The following CCDC83 variants were observed in gnomAD, a reference collection of about 807,000 sequenced individuals.
CCDC83 encodes the protein coiled-coil domain containing 83, also known as coiled-coil domain-containing protein 83.
A neutral mutation model predicts 50.1 loss-of-function variants in CCDC83; 54 were observed. The ratio of observed to expected loss-of-function variants is 1.08; its 90% CI spans 0.87 to 1.35. The LOEUF is 1.35. CCDC83 is among the 40% of genes most tolerant of loss of function. CCDC83 has a pLI of 0.00. For synonymous variants in CCDC83, 161 were observed against 153.3 expected (o/e 1.05, Z -0.37); for missense variants, 518 against 473.9 (o/e 1.09, Z -0.86).
intron 5 of CCDC83, among the ~76,000 whole-genome samples, chr11:85,887,802 C>CTTTT (rs372106214): frequency 4.2e-5 from 5 of 119,982 alleles, no homozygotes; most frequent in South Asian, 2.7e-4. Flanking sequence ...TTTATTGTAC[C>CTTTT]TTTTTTTTTT....
At chr11:85,888,510 A>T (rs56130066) in intron 5 of CCDC83, among the ~76,000 whole-genome samples, 1,993 of 152,272 alleles carry the variant, frequency 0.013, 45 homozygotes, top group African/African-American at 0.044. Flanking sequence ...TTTACATTTT[A>T]AAAAAATTAG....
At chr11:85,913,657 G>A (rs1283646348) in intron 8 of CCDC83, among the ~76,000 whole-genome samples, 1 of 152,124 alleles carries the variant, frequency 6.6e-6, no homozygotes, top group Non-Finnish European at 1.5e-5. Context: ...GGTTAATAGA[G>A]TTACCACATT....
intron 2 of CCDC83, among the ~76,000 whole-genome samples, chr11:85,869,576 G>A (rs1366550265): frequency 2.0e-5 from 3 of 152,176 alleles, no homozygotes; most frequent in Non-Finnish European, 2.9e-5. Context: ...TATAGAGAGT[G>A]GGGGAAAGGT....
chr11:85,917,262 GGAAGGAAGGAAGGAAA>G (rs1468941104), intron 10 of CCDC83, among the ~76,000 whole-genome samples: 98 of 132,200 alleles, frequency 7.4e-4, no homozygotes, highest in Middle Eastern at 3.6e-3. Context: ...AGGAAAGGAA[GGAAGGAAGGAAGGAAA>G]GAAGGAAGGA....
intron 7 of CCDC83, among the ~76,000 whole-genome samples, chr11:85,904,201 T>G (rs1251598609): frequency 6.6e-6 from 1 of 152,114 alleles, no homozygotes; most frequent in Non-Finnish European, 1.5e-5. Flanking sequence ...ATTTACAGAA[T>G]TATTGCAAGG....
intron 3 of CCDC83, among the ~76,000 whole-genome samples, chr11:85,879,622 C>A (rs2093288015): frequency 7.1e-6 from 1 of 141,650 alleles, no homozygotes. Context: ...TGAGGATTAA[C>A]AATTTTTTTT....
At chr11:85,905,695 C>G (rs530244263) in intron 7 of CCDC83, among the ~76,000 whole-genome samples, 1 of 151,562 alleles carries the variant, frequency 6.6e-6, no homozygotes, top group Admixed American at 6.6e-5. Flanking sequence ...GAGGGCCAGG[C>G]GCAGTGGCTC....
At chr11:85,868,907 C>T (rs950728471) in intron 2 of CCDC83, among the ~76,000 whole-genome samples, 3 of 152,224 alleles carry the variant, frequency 2.0e-5, no homozygotes, top group African/African-American at 2.4e-5. Flanking sequence ...CCTCAACAAA[C>T]TGTGAGCTCC....
chr11:85,910,487 C>A (rs1405638960), intron 7 of CCDC83, among the ~76,000 whole-genome samples: 2 of 152,240 alleles, frequency 1.3e-5, no homozygotes, highest in Admixed American at 1.3e-4. Context: ...GACTACTAGC[C>A]TGTGCTTCTC....
intron 3 of CCDC83, among the ~76,000 whole-genome samples, chr11:85,877,387 C>T (rs1428095956): frequency 1.3e-5 from 2 of 152,156 alleles, no homozygotes; most frequent in Non-Finnish European, 2.9e-5. Context: ...CAGGAAGATG[C>T]TTGAGCCCAG....
At chr11:85,883,509 G>A (rs1208467892) in intron 4 of CCDC83, among the ~76,000 whole-genome samples, 1 of 152,134 alleles carries the variant, frequency 6.6e-6, no homozygotes, top group African/African-American at 2.4e-5. Context: ...TGCAGGCAAT[G>A]AAAGACCCAG....
chr11:85,857,838 G>T lies in CCDC83; in HGVS notation c.-29+2254G>T, dbSNP rs551727725. 2.6e-5 allele frequency among the ~76,000 whole-genome samples: 4 copies of T among 152,332 alleles called. No homozygotes were observed. In the East Asian group the frequency reaches 7.7e-4, roughly 29 times the overall value. On this transcript the variant is annotated intron_variant, in intron 1 of 10. Transcript: ENST00000342404. ...CGACCCCATCAACATACTGCAGGCTGCCATGAAGGGCTATGAGGTGGCCAC... is the reference window on the plus strand; with the variant it reads ...CGACCCCATCAACATACTGCAGGCTTCCATGAAGGGCTATGAGGTGGCCAC...
intron 3 of CCDC83, among the ~76,000 whole-genome samples, chr11:85,878,461 T>A (rs2093280557): frequency 6.6e-6 from 1 of 152,254 alleles, no homozygotes; most frequent in African/African-American, 2.4e-5. Context: ...CTTGGCTTTT[T>A]AAAATTCAGC....
At chr11:85,889,776 G>A (rs953929107) in intron 5 of CCDC83, among the ~76,000 whole-genome samples, 2 of 152,220 alleles carry the variant, frequency 1.3e-5, no homozygotes, top group African/African-American at 4.8e-5. Flanking sequence ...TACATGCAAG[G>A]AAGAGAGATC....
intron 5 of CCDC83, among the ~76,000 whole-genome samples, chr11:85,890,749 A>G (rs7936092): frequency 0.2 from 29,719 of 152,132 alleles, 3,975 homozygotes; most frequent in African/African-American, 0.39. Flanking sequence ...GCTCAAGGCA[A>G]AGAAAATGGC....
intron 10 of CCDC83, among the ~76,000 whole-genome samples, chr11:85,917,088 G>A (rs1207395339): frequency 6.7e-6 from 1 of 150,330 alleles, no homozygotes; most frequent in Non-Finnish European, 1.5e-5. Context: ...TCCAGCCTGG[G>A]TGACAGAGCG....
intron 5 of CCDC83, among the ~76,000 whole-genome samples, chr11:85,888,194 A>G (rs2093335909): frequency 6.6e-6 from 1 of 152,192 alleles, no homozygotes; most frequent in Admixed American, 6.5e-5. Flanking sequence ...GTTGTGTGAA[A>G]CAGACTATTT....
At chr11:85,910,712 C>G (rs1480260953) in intron 7 of CCDC83, among the ~76,000 whole-genome samples, 1 of 152,224 alleles carries the variant, frequency 6.6e-6, no homozygotes, top group East Asian at 1.9e-4. Context: ...GCTATTCTAT[C>G]ATAACTGCCT....
At chr11:85,869,683 C>T (rs1444976267) in intron 2 of CCDC83, among the ~76,000 whole-genome samples, 2 of 152,182 alleles carry the variant, frequency 1.3e-5, no homozygotes, top group East Asian at 1.9e-4. Context: ...TATTATCACC[C>T]CACTTGCTTC....
Sources: gnomAD v4.1 joint callset for allele counts (sites outside exome capture counted in the v4.1 genomes callset) on GRCh38, gnomAD v4.1.1 for gene constraint, MANE v1.5 for transcripts, NCBI Gene and HGNC (gene_info 2026-07-23, HGNC 2026-07-21) for gene names.